The following KCNC2 variants were observed in gnomAD, a reference collection of about 807,000 sequenced individuals.
KCNC2 encodes the protein potassium voltage-gated channel subfamily C member 2, also known as voltage-gated potassium channel KCNC2.
In KCNC2, 21 loss-of-function variants were observed where a neutral mutation model predicts 44.5. The ratio of observed to expected loss-of-function variants is 0.47; its 90% CI spans 0.33 to 0.68. The LOEUF (loss-of-function observed/expected upper bound fraction) is 0.68, where lower values mean the gene tolerates loss of function less well. KCNC2 is among the 30% of genes least tolerant of loss of function. The probability of loss-of-function intolerance (pLI) is 0.01; values close to 1 mark genes in which losing one functional copy is unlikely to be tolerated. For missense variants in KCNC2, 589 were observed against 826.2 expected, an observed-to-expected ratio of 0.71 and a Z score of 3.52; for synonymous variants, 391 against 339.1, an observed-to-expected ratio of 1.15 and a Z score of -1.68.
chr12:75,100,240 G>A (rs554423315), intron 2 of KCNC2, among the ~76,000 whole-genome samples: 6 of 152,156 alleles, frequency 3.9e-5, no homozygotes, highest in East Asian at 1.9e-4. Flanking sequence ...GTCCTAAAAT[G>A]TTGAATGCCT....
chr12:75,104,420 C>T (rs1190714770), intron 2 of KCNC2, among the ~76,000 whole-genome samples: 5 of 152,078 alleles, frequency 3.3e-5, no homozygotes, highest in African/African-American at 1.2e-4. Context: ...CCACAAACCA[C>T]TAACTGGGTG....
Position 75,044,651 on chromosome 12 carries a change from C to T in KCNC2, c.1781-1410G>A, listed in dbSNP as rs1038051066. 2.0e-5 allele frequency: 3 copies of T among 151,910 alleles called. No homozygotes were observed. In the East Asian group the frequency reaches 5.8e-4, roughly 29 times the overall value. 9.4% of individuals were successfully genotyped at this position (151,910 alleles called of 1,614,324 possible). On this transcript the variant is annotated intron_variant, in intron 4 of 4. Transcript: ENST00000549446. ...CAGCTCTCTTACGGGGTAAAGCTCT[C>T]TTATGAGGTGAAGCTGGACTGGATA...
chr12:75,046,297 G>T (rs1265566616), intron 4 of KCNC2, among the ~76,000 whole-genome samples: 1 of 151,602 alleles, frequency 6.6e-6, no homozygotes, highest in Admixed American at 6.6e-5. Context: ...CTTATTAATT[G>T]CTTTGCTTGC....
At chr12:75,046,530 T>C (rs1200837408) in intron 4 of KCNC2, among the ~76,000 whole-genome samples, 1 of 151,810 alleles carries the variant, frequency 6.6e-6, no homozygotes, top group Middle Eastern at 3.5e-3. Context: ...ATTTAACATG[T>C]ATATACATTG....
intron 2 of KCNC2, among the ~76,000 whole-genome samples, chr12:75,087,661 T>G (rs1241986749): frequency 6.6e-6 from 1 of 152,022 alleles, no homozygotes; most frequent in Non-Finnish European, 1.5e-5. Context: ...ATTCCAGGCC[T>G]ACACTGCTAG....
At chr12:75,162,859 A>T (rs1213718597) in intron 2 of KCNC2, among the ~76,000 whole-genome samples, 3 of 151,716 alleles carry the variant, frequency 2.0e-5, no homozygotes, top group Admixed American at 6.6e-5. Context: ...GGACATTCAC[A>T]TGGTCAGTCT....
intron 2 of KCNC2, among the ~76,000 whole-genome samples, chr12:75,183,743 A>G (rs1352693795): frequency 6.6e-6 from 1 of 152,220 alleles, no homozygotes; most frequent in Non-Finnish European, 1.5e-5. Context: ...CATCTTTAAC[A>G]ATAAAAATCT....
At chr12:75,079,045 A>C (rs1438117784) in intron 2 of KCNC2, among the ~76,000 whole-genome samples, 2 of 152,168 alleles carry the variant, frequency 1.3e-5, no homozygotes, top group Non-Finnish European at 2.9e-5. Context: ...GTTTATTATG[A>C]AAAGTTTAAA....
At position 75,207,728 on chromosome 12, in the gene KCNC2, T is replaced by G; in HGVS notation, c.256A>C (p.Ser86Arg). 1 of 1,572,288 alleles carries G rather than the reference T, an allele frequency of 6.4e-7. No individual in the cohort carries two copies. Among genetic ancestry groups the G allele is most frequent in the Admixed American group, 1.9e-5 (1 of 53,986 alleles). Residue 86 changes from serine (S) to arginine (R), a missense_variant, in exon 2 of 5, where the codon AGT becomes CGT. Ser to Arg is a moderately radical substitution (Grantham distance 110, BLOSUM62 -1). This residue lies in a region of KCNC2 where 148 missense variants were observed against 140.1 expected (regional missense o/e 1.06). Transcript: ENST00000549446. The surrounding 1 kb of genome is among the most constrained non-coding windows in gnomAD (Gnocchi z 4.1). ...GCFEGGAGNC[S>R]SRGGRASDHP... ...TCGCTGGCCCTGCCGCCGCGGGAAC[T>G]GCAGTTGCCCGCGCCGCCCTCGAAG...
At chr12:75,201,847 A>G (rs1173900239) in intron 2 of KCNC2, among the ~76,000 whole-genome samples, 2 of 151,972 alleles carry the variant, frequency 1.3e-5, no homozygotes, top group Non-Finnish European at 2.9e-5. Context: ...AATATATTGA[A>G]GGTTATTTTT....
intron 2 of KCNC2, among the ~76,000 whole-genome samples, chr12:75,061,467 A>G (rs1487145994): frequency 2.6e-5 from 4 of 151,970 alleles, no homozygotes; most frequent in African/African-American, 7.2e-5. Context: ...ATCAGGCCAC[A>G]TAGTTTCCTA....
intron 2 of KCNC2, among the ~76,000 whole-genome samples, chr12:75,101,494 A>G (rs1886369510): frequency 6.6e-6 from 1 of 152,134 alleles, no homozygotes; most frequent in Non-Finnish European, 1.5e-5. Context: ...ATGGCAACAA[A>G]AAAAAGATTT....
intron 2 of KCNC2, among the ~76,000 whole-genome samples, chr12:75,100,428 T>C (rs545898377): frequency 1.1e-3 from 164 of 152,186 alleles, no homozygotes; most frequent in African/African-American, 3.4e-3. Context: ...TTTTAAAGGC[T>C]CTTTAAATGT....
chr12:75,048,023 G>T (rs376691590), intron 4 of KCNC2, 130 bp downstream of exon 4: 69 of 751,814 alleles, frequency 9.2e-5, no homozygotes, highest in South Asian at 3.7e-4. Flanking sequence ...AAGATGTAAT[G>T]AAGAGAGGAA....
intron 2 of KCNC2, among the ~76,000 whole-genome samples, chr12:75,142,999 G>A (rs1008024503): frequency 2.0e-5 from 3 of 151,946 alleles, no homozygotes; most frequent in African/African-American, 2.4e-5. Context: ...AATAATTTTA[G>A]GCCCATTCCC....
chr12:75,084,588 C>T (rs1242317759), intron 2 of KCNC2, among the ~76,000 whole-genome samples: 2 of 151,882 alleles, frequency 1.3e-5, no homozygotes, highest in African/African-American at 4.8e-5. Flanking sequence ...CCTTTCACCT[C>T]CTGCCATGAT....
intron 2 of KCNC2, among the ~76,000 whole-genome samples, chr12:75,187,687 T>C (rs1036739790): frequency 6.6e-6 from 1 of 152,216 alleles, no homozygotes; most frequent in African/African-American, 2.4e-5. Context: ...TATTTAAGTT[T>C]AATTGCCCAT....
chr12:75,168,903 C>T (rs1891632679), intron 2 of KCNC2, among the ~76,000 whole-genome samples: 1 of 151,404 alleles, frequency 6.6e-6, no homozygotes, highest in Non-Finnish European at 1.5e-5. Context: ...TTAGTTTAGG[C>T]CATAGCTATG....
At position 75,040,579 on chromosome 12, in the gene KCNC2, G is replaced by A. The variant is rs866655892; in HGVS notation, c.*2526C>T. 1 of 153,942 alleles carries A rather than the reference G, an allele frequency of 6.5e-6. No individual in the cohort carries two copies. The highest frequency in any genetic ancestry group is 1.5e-5 in the Non-Finnish European group (1 of 68,880). 9.5% of individuals were successfully genotyped at this position (153,942 alleles called of 1,614,324 possible). On this transcript the variant is annotated 3_prime_UTR_variant, in exon 5 of 5. Coordinates refer to ENST00000549446, the MANE Select transcript of KCNC2 (RefSeq NM_139137.4). Reference sequence around the variant, plus strand: ...CTTAAACTATGAATAATGTTGGTGAGTTCCATTTAAGCTATAACAATTTCC... The same window carrying A: ...CTTAAACTATGAATAATGTTGGTGAATTCCATTTAAGCTATAACAATTTCC...
Sources: allele counts gnomAD v4.1 joint callset (sites outside exome capture counted in the v4.1 genomes callset), GRCh38; gene constraint gnomAD v4.1.1; regional missense constraint gnomAD v4.1.1; non-coding constraint Gnocchi (gnomAD v3.1); transcripts MANE v1.5; gene names NCBI Gene and HGNC (gene_info 2026-07-23, HGNC 2026-07-21).